The following NTRK3 variants were observed in gnomAD, a reference collection of about 807,000 sequenced individuals.
The protein encoded by NTRK3 is NT-3 growth factor receptor.
A neutral mutation model predicts 91.7 loss-of-function variants in NTRK3; 24 were observed. The observed-to-expected ratio is 0.26, with a 90% CI of 0.19 to 0.37. The LOEUF is 0.37. Among genes scored for constraint, NTRK3 ranks in the 10% least tolerant of loss-of-function variants. The pLI is 1.00. For missense variants in NTRK3, 880 were observed against 1,068.9 expected (o/e 0.82, Z 2.46); for synonymous variants, 483 against 404.0 (o/e 1.20, Z -2.34).
At chr15:88,040,146 T>G (rs1195043243) in intron 13 of NTRK3, among the ~76,000 whole-genome samples, 8 of 152,266 alleles carry the variant, frequency 5.3e-5, no homozygotes, top group Admixed American at 3.3e-4. Flanking sequence ...TAAATTTTGC[T>G]TCTAAGAGAA....
At chr15:87,912,931 A>AAAAAAAATATATAT (rs1484111389) in intron 17 of NTRK3, among the ~76,000 whole-genome samples, 1 of 36,498 alleles carries the variant, frequency 2.7e-5, no homozygotes, top group Non-Finnish European at 4.7e-5. Context: ...AGTAAAAAAA[A>AAAAAAAATATATAT]ATATATATAT....
At chr15:88,177,719 G>T (rs376063226) in intron 5 of NTRK3, among the ~76,000 whole-genome samples, 1 of 152,190 alleles carries the variant, frequency 6.6e-6, no homozygotes, top group Non-Finnish European at 1.5e-5. Flanking sequence ...TAAAGGGCAC[G>T]ATAGGAATAC....
In NTRK3 at chr15:87,871,140, C is replaced by G. The variant is rs542857626; in HGVS notation, c.*5795G>C. Reference sequence around the variant, plus strand: ...CCAAGTACTTTGAAGGAACACCCCCCACCCCAATCCAACCTCCACAGGTCT... The same window carrying G: ...CCAAGTACTTTGAAGGAACACCCCCGACCCCAATCCAACCTCCACAGGTCT... On this transcript the variant is annotated 3_prime_UTR_variant, in exon 19 of 19. Coordinates refer to ENST00000394480, the Ensembl canonical transcript of NTRK3. 179 of 231,428 alleles carry G rather than the reference C, an allele frequency of 7.7e-4. 1 individual carries two copies. Among genetic ancestry groups the G allele is most frequent in the African/African-American group, 3.8e-3 (171 of 45,350 alleles). The allele number at this position is 231,428 out of a possible 1,614,324, so 14.3% of individuals were successfully genotyped here. A position where few individuals can be genotyped will look rare whatever the true frequency, so the allele number is the denominator to read the frequency against.
chr15:87,881,789 G>A (rs926227900), intron 17 of NTRK3, among the ~76,000 whole-genome samples: 2 of 152,154 alleles, frequency 1.3e-5, no homozygotes, highest in East Asian at 3.8e-4. Flanking sequence ...CGAATAAGTT[G>A]GGAGATGGGC....
At chr15:88,126,373 C>G (rs771227484) in exon 13 of NTRK3, 1 of 1,607,966 alleles carries the variant, frequency 6.2e-7, no homozygotes, top group South Asian at 1.1e-5. Flanking sequence ...GCTATGGATA[C>G]CTGTGAGGAA....
intron 14 of NTRK3, among the ~76,000 whole-genome samples, chr15:87,944,504 G>A (rs937970760): frequency 4.6e-5 from 7 of 152,222 alleles, no homozygotes; most frequent in Non-Finnish European, 7.3e-5. Flanking sequence ...GAGGCAGGGG[G>A]TAACTTGCCA....
intron 3 of NTRK3, among the ~76,000 whole-genome samples, chr15:88,230,052 C>T (rs952311470): frequency 5.9e-5 from 9 of 152,200 alleles, no homozygotes; most frequent in Admixed American, 5.9e-4. Context: ...CTCTGGACTC[C>T]AATCTAGTTA....
chr15:88,127,176 C>T, exon 12 of NTRK3: 1 of 1,613,994 alleles, frequency 6.2e-7, no homozygotes, highest in South Asian at 1.1e-5. Context: ...AAAGTGTCTT[C>T]TTCTGGTTTG....
intron 3 of NTRK3, among the ~76,000 whole-genome samples, chr15:88,207,231 C>T (rs1471031147): frequency 6.6e-6 from 1 of 152,138 alleles, no homozygotes; most frequent in African/African-American, 2.4e-5. Flanking sequence ...CTGCCTCCAG[C>T]GAGTCCCCAG....
At position 87,978,567 on chromosome 15, in the gene NTRK3, G is replaced by T. The variant is rs72481811; in HGVS notation, c.1586-37814C>A. ...ATGGGTAAAACCTCCTGCAGCCAAA[G>T]CTTGTCGGAACTGCAGATCTAAGGG... is the stretch of plus-strand genomic sequence containing the variant. On this transcript the variant is annotated intron_variant, in intron 14 of 18. Transcript: ENST00000394480. 5.5e-3 allele frequency: 1,254 copies of T among 229,948 alleles called. 6 individuals are homozygous for T. The highest frequency in any genetic ancestry group is 0.014 in the Middle Eastern group (11 of 760). The allele number at this position is 229,948 out of a possible 1,614,324, so 14.2% of individuals were successfully genotyped here.
chr15:87,877,004 G>A (rs869209165), exon 19 of NTRK3: 2 of 1,613,884 alleles, frequency 1.2e-6, no homozygotes, highest in Non-Finnish European at 1.7e-6. Flanking sequence ...AGATCTCCTT[G>A]ATGTTCAACC....
chr15:88,160,818 T>C (rs74438371), intron 5 of NTRK3, among the ~76,000 whole-genome samples: 1 of 152,090 alleles, frequency 6.6e-6, no homozygotes, highest in Admixed American at 6.5e-5. Context: ...ACAGTGGCTG[T>C]GTGGGTTTGG....
chr15:88,024,859 T>C (rs573341553), intron 14 of NTRK3, among the ~76,000 whole-genome samples: 4 of 152,224 alleles, frequency 2.6e-5, no homozygotes, highest in East Asian at 1.9e-4. Flanking sequence ...CATGGACACA[T>C]TGGTTGGTAC....
In NTRK3 at chr15:87,949,818, A is replaced by C. The variant is rs535439285; in HGVS notation, c.1586-9065T>G. Among the ~76,000 whole-genome samples, 7 of 152,276 alleles carry C rather than the reference A, an allele frequency of 4.6e-5. No homozygotes were observed. In the South Asian group the frequency reaches 1.4e-3, roughly 32 times the overall value. On this transcript the variant is annotated intron_variant, in intron 14 of 18. Transcript: ENST00000394480. ...AGCAGTGACTGCTTGAGCCAAGAAT[A>C]AAGAGAAAAAGAACTCCCCAAGGAG...
intron 13 of NTRK3, among the ~76,000 whole-genome samples, chr15:88,068,370 G>T (rs955828682): frequency 2.0e-5 from 3 of 152,190 alleles, no homozygotes; most frequent in Non-Finnish European, 4.4e-5. Flanking sequence ...GGTGGAGGCT[G>T]CAGTGAGCCA....
At chr15:88,073,532 C>A (rs575579587) in intron 13 of NTRK3, among the ~76,000 whole-genome samples, 1 of 152,260 alleles carries the variant, frequency 6.6e-6, no homozygotes, top group South Asian at 2.1e-4. Context: ...TACATCCTGC[C>A]GCCCCTTCTT....
chr15:87,885,640 T>C, intron 17 of NTRK3, 54 bp downstream of exon 18: 1 of 931,392 alleles, frequency 1.1e-6, no homozygotes, highest in South Asian at 1.9e-5. Context: ...GCTTAGTAAT[T>C]AAAGTGTTGG....
At chr15:87,966,435 C>A (rs896199660) in intron 14 of NTRK3, among the ~76,000 whole-genome samples, 1 of 152,180 alleles carries the variant, frequency 6.6e-6, no homozygotes, top group African/African-American at 2.4e-5. Context: ...GGAGTTGGCC[C>A]CTGGCCTGTT....
rs750927410 is a variant in NTRK3 at position 88,147,426 on chromosome 15, G to A, written c.396-23C>T. On this transcript the variant is annotated intron_variant, in intron 5 of 18. Coordinates refer to ENST00000394480, the Ensembl canonical transcript of NTRK3. ...TTTCTGCAAGATTGACAAATAAAGG[G>A]AAATTTTAAAACAAGTCTGGCACAA... 5 of 1,608,124 alleles carry A rather than the reference G, an allele frequency of 3.1e-6. No individual in the cohort carries two copies. The East Asian group carries it at 8.9e-5, about 29-fold the overall frequency.
Sources: allele counts gnomAD v4.1 joint callset (sites outside exome capture counted in the v4.1 genomes callset), GRCh38; gene constraint gnomAD v4.1.1; transcripts MANE v1.5; gene names NCBI Gene and HGNC (gene_info 2026-07-23, HGNC 2026-07-21).